DLL1: variants seen among roughly 807,000 people sequenced by gnomAD.
DLL1 encodes the protein delta like canonical Notch ligand 1, also known as delta-like protein 1.
A neutral mutation model predicts 75.1 loss-of-function variants in DLL1; 9 were observed. The observed-to-expected ratio is 0.12, with a 90% CI of 0.07 to 0.21. DLL1 has a LOEUF of 0.21. Ranked by LOEUF, DLL1 falls within the 10% of genes least tolerant of loss-of-function variation. The probability of loss-of-function intolerance (pLI) is 1.00; values close to 1 mark genes in which losing one functional copy is unlikely to be tolerated. For missense variants in DLL1, 837 were observed against 1,007.6 expected, an observed-to-expected ratio of 0.83 and a Z score of 2.29; for synonymous variants, 477 against 418.3, an observed-to-expected ratio of 1.14 and a Z score of -1.71.
chr6:170,289,427 C>G, intron 2 of DLL1, 85 bp downstream of exon 2: 3 of 1,510,142 alleles, frequency 2.0e-6, no homozygotes, highest in Non-Finnish European at 2.6e-6. Flanking sequence ...GGTCCCGCCA[C>G]CGAGCGCCCA....
chr6:170,286,579 G>T (rs1783698579), intron 4 of DLL1, among the ~76,000 whole-genome samples: 1 of 146,306 alleles, frequency 6.8e-6, no homozygotes, highest in East Asian at 2.0e-4. Context: ...AGGGTCAGAA[G>T]TCTTCCCCCT....
In DLL1 at chr6:170,283,396, TCGGCGC is replaced by T. The variant is rs776505615; in HGVS notation, c.1877_1882del (p.Ser626_Asp628delinsAsn). On this transcript the variant is annotated inframe_deletion, in exon 9 of 11. Coordinates refer to ENST00000366756, the MANE Select transcript of DLL1 (RefSeq NM_005618.4). ...GTAGCGGGCCTTGAAGCCATTCTTG[TCGGCGC>T]TGTGGTCCCCGTGGAAGTCCGCCTT... is the stretch of plus-strand genomic sequence containing the variant. 2.9e-4 allele frequency: 472 copies of T among 1,611,284 alleles called. No homozygotes were observed. Among genetic ancestry groups the T allele is most frequent in the Non-Finnish European group, 3.6e-4 (420 of 1,180,024 alleles).
chr6:170,285,904 T>C (rs1006569675), intron 5 of DLL1, among the ~76,000 whole-genome samples: 3 of 152,186 alleles, frequency 2.0e-5, no homozygotes, highest in Non-Finnish European at 4.4e-5. Context: ...GCAGCACCAG[T>C]GTCAGCATCT....
chr6:170,290,054 CG>C lies in DLL1; in HGVS notation c.54+31del. The C allele has an allele frequency of 1.3e-6, 2 of 1,566,400 alleles. No individual in the cohort carries two copies. The highest frequency in any genetic ancestry group is 8.6e-7 in the Non-Finnish European group (1 of 1,165,656). ...CGCCCCGGCTACCCGTGAGACCCCG[CG>C]GGGCCGCGGCGCCCCCACCTGCCCG... is the stretch of plus-strand genomic sequence containing the variant. On this transcript the variant is annotated intron_variant, in intron 1 of 10. Coordinates refer to ENST00000366756, the MANE Select transcript of DLL1 (RefSeq NM_005618.4). This position sits in a 1 kb window ranked among gnomAD's most constrained non-coding sequence, Gnocchi z 4.7.
chr6:170,290,467 C>A lies in DLL1; in HGVS notation c.-328G>T. ...CGAGGAGGTGAGGGTCGCCGGCTTC[C>A]TGGTTTTGTCTTGAGCTTCTTCGCA... On this transcript the variant is annotated 5_prime_UTR_variant, in exon 1 of 11. The change creates a new upstream start codon in the 5' untranslated region. Transcript: ENST00000366756. The surrounding 1 kb of genome is among the most constrained non-coding windows in gnomAD (Gnocchi z 4.7). 2.9e-6 allele frequency: 1 copy of A among 339,496 alleles called. No homozygotes were observed. Among genetic ancestry groups the A allele is most frequent in the Non-Finnish European group, 5.3e-6 (1 of 188,600 alleles). The allele number at this position is 339,496 out of a possible 1,614,324, so 21.0% of individuals were successfully genotyped here.
chr6:170,285,985 C>T (rs993638001), intron 5 of DLL1, among the ~76,000 whole-genome samples: 1 of 152,228 alleles, frequency 6.6e-6, no homozygotes. Context: ...CTATCATTTC[C>T]TGTGCCAACT....
rs1168111271 is a variant in DLL1, at chr6:170,288,787, G to A, written c.354C>T (p.Gly118=). 6 of 1,614,128 alleles carry A rather than the reference G, an allele frequency of 3.7e-6. No individual in the cohort carries two copies. The highest frequency in any genetic ancestry group is 5.1e-6 in the Non-Finnish European group (6 of 1,179,998). ...GAGCTTCAATAATCAGAGAGAAGGT[G>A]CCCTGGGAGAGAGGGGAGAAGACGT... ...IRFPFGFTWP[G]TFSLIIEALH... The change falls in exon 3 of 11, where the codon GGC becomes GGT. Residue 118 remains glycine (G), a splice_region_variant and synonymous_variant. Transcript: ENST00000366756.
Position 170,285,097 on chromosome 6 carries a change from G to T in DLL1, c.1071C>A (p.Gly357=). 6.2e-7 allele frequency: 1 copy of T among 1,614,146 alleles called. No individual in the cohort carries two copies. Among genetic ancestry groups the T allele is most frequent in the Non-Finnish European group, 8.5e-7 (1 of 1,180,028 alleles). Residue 357 remains glycine, a synonymous_variant, in exon 8 of 11, where the codon GGC becomes GGA. Coordinates refer to ENST00000366756, the MANE Select transcript of DLL1 (RefSeq NM_005618.4). ...TCAATTCACAGATTTTGCCGTAGAA[G>T]CCGGGTGGGCAGGTACAGGAGTAGC... ...ENSYSCTCPP[G]FYGKICELSA... is the part of the protein sequence containing the mutation.
At chr6:170,285,815 T>G in intron 5 of DLL1, 116 bp from the exon 6 acceptor site, 2 of 1,457,396 alleles carry the variant, frequency 1.4e-6, no homozygotes, top group Non-Finnish European at 1.9e-6. Context: ...TTCTCCAGAT[T>G]AGCAGAACAC....
Position 170,290,027 on chromosome 6 carries a change from C to A in DLL1, c.54+59G>T, listed in dbSNP as rs1005867221. 8 of 1,513,962 alleles carry A rather than the reference C, an allele frequency of 5.3e-6. No individual in the cohort carries two copies. The African/African-American group carries it at 7.2e-5, about 14-fold the overall frequency. 93.8% of individuals were successfully genotyped at this position (1,513,962 alleles called of 1,614,324 possible). A position where few individuals can be genotyped will look rare whatever the true frequency, so the allele number is the denominator to read the frequency against. ...CGCCCCTCCCCGCGCGCTCCTGCCC[C>A]GCGCCCCGGCTACCCGTGAGACCCC... On this transcript the variant is annotated intron_variant, in intron 1 of 10. Coordinates refer to ENST00000366756, the MANE Select transcript of DLL1 (RefSeq NM_005618.4). The surrounding 1 kb of genome is among the most constrained non-coding windows in gnomAD (Gnocchi z 4.7).
At position 170,290,104 on chromosome 6, in the gene DLL1, G is replaced by C. The variant is rs977892997; in HGVS notation, c.36C>G (p.Leu12=). 6.3e-6 allele frequency: 10 copies of C among 1,591,432 alleles called. No homozygotes were observed. The African/African-American group carries it at 1.3e-4, about 21-fold the overall frequency. Residue 12 remains leucine, a synonymous_variant, in exon 1 of 11, where the codon CTC becomes CTG. Transcript: ENST00000366756. This position sits in a 1 kb window ranked among gnomAD's most constrained non-coding sequence, Gnocchi z 4.7. ...GSRCALALAV[L]SALLCQVWSS... ...CGCCTACCTGACACAGCAAGGCCGA[G>C]AGCACCGCCAGGGCCAGCGCGCACC...
rs752532297 is a variant in DLL1 at position 170,286,276 on chromosome 6, A to G, written c.693T>C (p.Asp231=). Residue 231 remains aspartate, a synonymous_variant, in exon 5 of 11, where the codon GAT becomes GAC. Transcript: ENST00000366756. ...GTTTGTCACAAAATCCATGCTGCTC[A>G]TCACATCCAGGCAGGCAGATCGCTA... ...CTEPICLPGC[D]EQHGFCDKPG... 1.9e-6 allele frequency: 3 copies of G among 1,614,226 alleles called. No homozygotes were observed. The South Asian group carries it at 3.3e-5, about 18-fold the overall frequency.
intron 4 of DLL1, 39 bp downstream of exon 4, chr6:170,288,200 G>C (rs766889717): frequency 1.2e-6 from 2 of 1,613,226 alleles, no homozygotes; most frequent in Admixed American, 3.3e-5. Flanking sequence ...GTCCGTGTTC[G>C]TGGACGAGTG....
rs1337385794 is a variant in DLL1, at chr6:170,282,982, A to G, written c.2166+6T>C. 4.3e-6 allele frequency: 7 copies of G among 1,614,100 alleles called. No individual in the cohort carries two copies. The Admixed American group carries it at 1.2e-4, about 27-fold the overall frequency. ...GGAGGAGGGAGCGGCTGCTGCCTGC[A>G]CTGACCTCAGTTGCTATGACGCACT... On this transcript the variant is annotated splice_donor_region_variant and intron_variant, in intron 10 of 10. Coordinates refer to ENST00000366756, the MANE Select transcript of DLL1 (RefSeq NM_005618.4).
At position 170,290,376 on chromosome 6, in the gene DLL1, G is replaced by A; in HGVS notation, c.-237C>T. 1 of 428,596 alleles carries A rather than the reference G, an allele frequency of 2.3e-6. No individual in the cohort carries two copies. The highest frequency in any genetic ancestry group is 4.4e-5 in the Admixed American group (1 of 22,808). 26.5% of individuals were successfully genotyped at this position (428,596 alleles called of 1,614,324 possible). On this transcript the variant is annotated 5_prime_UTR_variant, in exon 1 of 11. Transcript: ENST00000366756. The surrounding 1 kb of genome is among the most constrained non-coding windows in gnomAD (Gnocchi z 4.7). ...CGCGGCAGCCCCAGGGATGCCCGAG[G>A]AAAGGCAGCTCTCGGGGGACAGCGC...
At chr6:170,286,780 C>T (rs1042319233) in intron 4 of DLL1, among the ~76,000 whole-genome samples, 5 of 151,226 alleles carry the variant, frequency 3.3e-5, no homozygotes, top group Admixed American at 3.3e-4. Context: ...GGCCCCACCT[C>T]CTCACACACA....
chr6:170,288,833 C>G (rs367817256), intron 2 of DLL1, 44 bp from the exon 3 acceptor site: 1 of 1,610,836 alleles, frequency 6.2e-7, no homozygotes, highest in Non-Finnish European at 8.5e-7. Context: ...AGAAAGGTAA[C>G]GAAAAGAAAA....
Position 170,289,713 on chromosome 6 carries a change from C to T in DLL1, c.150G>A (p.Gly50=), listed in dbSNP as rs1271132780. The change falls in exon 2 of 11, where the codon GGG becomes GGA. Residue 50 remains glycine, a synonymous_variant. Coordinates refer to ENST00000366756, the MANE Select transcript of DLL1 (RefSeq NM_005618.4). ...AGGTCCGGCAGGCGCACGGCGGTGG[C>T]CCCGCGCCCCCGCGGCAGCAGTTGC... ...GNRNCCRGGA[G]PPPCACRTFF... 30 of 1,548,846 alleles carry T rather than the reference C, an allele frequency of 1.9e-5. No individual in the cohort carries two copies. The highest frequency in any genetic ancestry group is 2.4e-5 in the Non-Finnish European group (28 of 1,146,642).
At chr6:170,284,572 G>A (rs1225861877) in intron 8 of DLL1, among the ~76,000 whole-genome samples, 1 of 152,164 alleles carries the variant, frequency 6.6e-6, no homozygotes, top group Admixed American at 6.5e-5. Context: ...TACTGTGCTG[G>A]GTGGCCACAC....
Sources: allele counts gnomAD v4.1 joint callset (sites outside exome capture counted in the v4.1 genomes callset), GRCh38; gene constraint gnomAD v4.1.1; non-coding constraint Gnocchi (gnomAD v3.1); transcripts MANE v1.5; gene names NCBI Gene and HGNC (gene_info 2026-07-23, HGNC 2026-07-21).